TOM1L1: variants seen among roughly 807,000 people sequenced by gnomAD.
TOM1L1 encodes the protein TOM1-like protein 1.
A neutral mutation model predicts 63.4 loss-of-function variants in TOM1L1; 64 were observed. That is an observed-to-expected ratio of 1.01 (90% CI 0.83 to 1.24). The LOEUF (loss-of-function observed/expected upper bound fraction) is 1.24, where lower values mean the gene tolerates loss of function less well. Among genes scored for constraint, TOM1L1 ranks in the 50% most tolerant of loss-of-function variants. TOM1L1 has a pLI of 0.00. For synonymous variants in TOM1L1, 166 were observed against 194.4 expected, an observed-to-expected ratio of 0.85 and a Z score of 1.22; for missense variants, 536 against 567.0, an observed-to-expected ratio of 0.95 and a Z score of 0.55.
intron 4 of TOM1L1, among the ~76,000 whole-genome samples, chr17:54,913,363 G>A (rs1300505649): frequency 6.6e-6 from 1 of 152,042 alleles, no homozygotes; most frequent in African/African-American, 2.4e-5. Context: ...TTTCTATCAG[G>A]AGCTTAAGAA....
intron 11 of TOM1L1, among the ~76,000 whole-genome samples, chr17:54,944,649 C>A (rs2143935104): frequency 6.6e-6 from 1 of 152,108 alleles, no homozygotes; most frequent in South Asian, 2.1e-4. Context: ...TTGTCTGTTC[C>A]TGAAGGATAT....
At chr17:54,906,977 T>C (rs923588174) in intron 3 of TOM1L1, among the ~76,000 whole-genome samples, 18 of 152,218 alleles carry the variant, frequency 1.2e-4, no homozygotes, top group African/African-American at 4.3e-4. Context: ...AAGAGGACTT[T>C]GGGGCATATG....
chr17:54,925,787 G>T (rs988430928), intron 7 of TOM1L1, among the ~76,000 whole-genome samples: 2 of 152,096 alleles, frequency 1.3e-5, no homozygotes, highest in East Asian at 1.9e-4. Context: ...TCCTATAGTC[G>T]CAGTCACTCA....
At chr17:54,906,683 A>G (rs1403441520) in intron 3 of TOM1L1, 1 of 849,954 alleles carries the variant, frequency 1.2e-6, no homozygotes, top group East Asian at 1.2e-4. Context: ...GGTTTAAGCA[A>G]TTCTCCTGTG....
Position 54,961,929 on chromosome 17 carries a change from G to T in TOM1L1, c.*696G>T. 2 of 895,010 alleles carry T rather than the reference G, an allele frequency of 2.2e-6. No individual in the cohort carries two copies. Among genetic ancestry groups the T allele is most frequent in the Non-Finnish European group, 1.3e-6 (1 of 747,594 alleles). 55.4% of individuals were successfully genotyped at this position (895,010 alleles called of 1,614,324 possible). ...AATATTTAGAATAAGTTGTACATTT[G>T]ATGACAAATAAATCACTATTAAAAC... On this transcript the variant is annotated 3_prime_UTR_variant, in exon 16 of 16. Transcript: ENST00000575882.
chr17:54,916,996 A>G (rs1300813935), intron 7 of TOM1L1: 1 of 152,166 alleles, frequency 6.6e-6, no homozygotes, highest in East Asian at 1.9e-4. Context: ...TGATAGAAGT[A>G]TTATATTATT....
At chr17:54,948,333 G>C (rs1369731483) in intron 12 of TOM1L1, among the ~76,000 whole-genome samples, 1 of 152,060 alleles carries the variant, frequency 6.6e-6, no homozygotes, top group Non-Finnish European at 1.5e-5. Context: ...AAACCCACCT[G>C]TGATTTTCTT....
chr17:54,905,046 G>C (rs148492232), intron 2 of TOM1L1, among the ~76,000 whole-genome samples: 267 of 152,224 alleles, frequency 1.8e-3, no homozygotes, highest in African/African-American at 5.8e-3. Context: ...ATAAAATTGT[G>C]GCGTATTGGC....
At chr17:54,902,919 A>G (rs1427332852) in intron 1 of TOM1L1, among the ~76,000 whole-genome samples, 1 of 152,184 alleles carries the variant, frequency 6.6e-6, no homozygotes, top group Non-Finnish European at 1.5e-5. Flanking sequence ...GATGCTTATT[A>G]TTATTAGTTC....
intron 7 of TOM1L1, among the ~76,000 whole-genome samples, chr17:54,929,742 T>TG (rs1491447836): frequency 3.2e-5 from 1 of 31,268 alleles, no homozygotes; most frequent in African/African-American, 9.4e-5. Flanking sequence ...AAAACATGTG[T>TG]TTTTTTTTTT....
At chr17:54,929,749 T>C (rs1023550321) in intron 7 of TOM1L1, among the ~76,000 whole-genome samples, 1 of 151,818 alleles carries the variant, frequency 6.6e-6, no homozygotes, top group Non-Finnish European at 1.5e-5. Flanking sequence ...GTGTTTTTTT[T>C]TTTTTTTCCC....
chr17:54,916,503 C>T (rs2048591787), intron 7 of TOM1L1: 1 of 152,110 alleles, frequency 6.6e-6, no homozygotes, highest in Non-Finnish European at 1.5e-5. Flanking sequence ...ATTTTTCCCT[C>T]TACCAGTTTG....
At chr17:54,928,260 A>T (rs1180656994) in intron 7 of TOM1L1, among the ~76,000 whole-genome samples, 1 of 152,116 alleles carries the variant, frequency 6.6e-6, no homozygotes, top group Admixed American at 6.6e-5. Flanking sequence ...TTTACTACCG[A>T]CTACCTCTGT....
At chr17:54,958,748 A>AAAAAAAAAAAAAAAG (rs372776781) in intron 14 of TOM1L1, among the ~76,000 whole-genome samples, 11 of 118,952 alleles carry the variant, frequency 9.2e-5, no homozygotes, top group Non-Finnish European at 1.0e-4. Flanking sequence ...AAAAAAAAAA[A>AAAAAAAAAAAAAAAG]GGGGTTGTTG....
At chr17:54,902,644 A>G (rs750940590) in intron 1 of TOM1L1, among the ~76,000 whole-genome samples, 1 of 152,234 alleles carries the variant, frequency 6.6e-6, no homozygotes, top group Non-Finnish European at 1.5e-5. Flanking sequence ...GGTTCCCCCA[A>G]GCAAGTCCTT....
chr17:54,942,919 T>C (rs530689942), intron 11 of TOM1L1, among the ~76,000 whole-genome samples: 170 of 152,330 alleles, frequency 1.1e-3, no homozygotes, highest in Non-Finnish European at 1.8e-3. Context: ...GTCATTCAAG[T>C]AGAATTATAC....
intron 14 of TOM1L1, chr17:54,954,139 A>G (rs758712484): frequency 6.6e-5 from 10 of 152,168 alleles, no homozygotes; most frequent in Non-Finnish European, 1.2e-4. Flanking sequence ...TCACCAGGTT[A>G]TCAGCACACA....
chr17:54,950,156 T>C (rs2049193669), intron 14 of TOM1L1, 30 bp downstream of exon 14: 1 of 1,573,386 alleles, frequency 6.4e-7, no homozygotes. Flanking sequence ...ATTAATTTAT[T>C]TTTTGTCTTG....
intron 1 of TOM1L1, among the ~76,000 whole-genome samples, chr17:54,903,479 C>CTTGAT (rs2048360094): frequency 6.6e-6 from 1 of 152,212 alleles, no homozygotes; most frequent in Non-Finnish European, 1.5e-5. Context: ...AGCTGTTGTG[C>CTTGAT]TTGAGGTCTT....
Sources: allele counts gnomAD v4.1 joint callset (sites outside exome capture counted in the v4.1 genomes callset), GRCh38; gene constraint gnomAD v4.1.1; transcripts MANE v1.5; gene names NCBI Gene and HGNC (gene_info 2026-07-23, HGNC 2026-07-21).